BRSK2: variants seen among roughly 807,000 people sequenced by gnomAD.
The protein encoded by BRSK2 is BR serine/threonine kinase 2.
In BRSK2, 19 loss-of-function variants were observed where a neutral mutation model predicts 83.3. The ratio of observed to expected loss-of-function variants is 0.23; its 90% CI spans 0.16 to 0.33. BRSK2 has a LOEUF of 0.33. BRSK2 is among the 10% of genes least tolerant of loss of function. BRSK2 has a pLI of 1.00. For missense variants in BRSK2, 798 were observed against 1,042.3 expected, an observed-to-expected ratio of 0.77 and a Z score of 3.23; for synonymous variants, 519 against 435.4, an observed-to-expected ratio of 1.19 and a Z score of -2.39.
intron 13 of BRSK2, 151 bp from the exon 14 acceptor site, chr11:1,450,435 AC>A (rs1845676384): frequency 1.8e-6 from 1 of 566,476 alleles, no homozygotes; most frequent in Admixed American, 3.7e-5. Context: ...ACCAAGTCCA[AC>A]CCCTTCCCGG....
chr11:1,435,225 G>A (rs115469564), intron 1 of BRSK2, among the ~76,000 whole-genome samples: 1,836 of 135,202 alleles, frequency 0.014, 29 homozygotes, highest in African/African-American at 0.047. Flanking sequence ...GTGCCGGTGG[G>A]GGTCTCAGCG....
At chr11:1,404,576 G>A (rs927480707) in intron 1 of BRSK2, among the ~76,000 whole-genome samples, 1 of 152,224 alleles carries the variant, frequency 6.6e-6, no homozygotes, top group Non-Finnish European at 1.5e-5. Flanking sequence ...CAGAGCACCA[G>A]CCTTGGGAGG....
chr11:1,413,579 A>T (rs1847789395), intron 1 of BRSK2, among the ~76,000 whole-genome samples: 1 of 152,210 alleles, frequency 6.6e-6, no homozygotes, highest in Non-Finnish European at 1.5e-5. Flanking sequence ...GAACTTCCCC[A>T]AGCCAGGAAG....
At position 1,461,525 on chromosome 11, in the gene BRSK2, G is replaced by A. The variant is rs1847499412; in HGVS notation, c.*802G>A. On this transcript the variant is annotated 3_prime_UTR_variant, in exon 20 of 20. Coordinates refer to ENST00000528841, the MANE Select transcript of BRSK2 (RefSeq NM_001256627.2). ...GCCTTCCCAGCAGGCCAGGCCGCTG[G>A]GCTGGGATCAGTGTTATTTATTTGC... 1 of 183,142 alleles carries A rather than the reference G, an allele frequency of 5.5e-6. No homozygotes were observed. Among genetic ancestry groups the A allele is most frequent in the South Asian group, 1.2e-4 (1 of 8,170 alleles). 11.3% of individuals were successfully genotyped at this position (183,142 alleles called of 1,614,324 possible). A position where few individuals can be genotyped will look rare whatever the true frequency, so the allele number is the denominator to read the frequency against.
At chr11:1,404,278 C>T (rs1021139299) in intron 1 of BRSK2, among the ~76,000 whole-genome samples, 2 of 152,188 alleles carry the variant, frequency 1.3e-5, no homozygotes, top group African/African-American at 4.8e-5. Context: ...GTGTTCCCCT[C>T]CTGTCTCTGG....
In BRSK2 at chr11:1,454,306, A is replaced by G; in HGVS notation, c.1545-179A>G. On this transcript the variant is annotated intron_variant, in intron 15 of 19. Transcript: ENST00000528841. The surrounding 1 kb of genome is among the most constrained non-coding windows in gnomAD (Gnocchi z 5.2). ...AGAGCCACGGTGATGGTCAGGGCAT[A>G]TGGGCTAGGGTTAGGGCGTTGGGGT... 1.5e-6 allele frequency: 1 copy of G among 683,176 alleles called. No homozygotes were observed. Among genetic ancestry groups the G allele is most frequent in the Non-Finnish European group, 2.5e-6 (1 of 402,254 alleles). 42.3% of individuals were successfully genotyped at this position (683,176 alleles called of 1,614,324 possible).
chr11:1,443,680 G>A lies in BRSK2; in HGVS notation c.780+45G>A, dbSNP rs756346772. The stretch of plus-strand genomic sequence containing the variant: ...GGCGGCCCCAGAGCGTGGCGGGGGG[G>A]CGCGGGGGCGGGCGTGTGCCTGTGT... On this transcript the variant is annotated intron_variant, in intron 8 of 19. Coordinates refer to ENST00000528841, the MANE Select transcript of BRSK2 (RefSeq NM_001256627.2). 7.2e-6 allele frequency: 10 copies of A among 1,391,396 alleles called. No homozygotes were observed. The African/African-American group carries it at 1.2e-4, about 16-fold the overall frequency. 86.2% of individuals were successfully genotyped at this position (1,391,396 alleles called of 1,614,324 possible).
intron 15 of BRSK2, among the ~76,000 whole-genome samples, chr11:1,451,696 CAG>C (rs368934574): frequency 4.8e-4 from 73 of 152,310 alleles, no homozygotes; most frequent in African/African-American, 1.7e-3. Flanking sequence ...GTACACTGGG[CAG>C]AGTCTCCCCA....
rs570598515 is a variant in BRSK2, at chr11:1,459,395, C to T, written c.1987+156C>T. ...AGATGTCCCCGGCCCCATCCTCTACCAGGAGCAGCCCAGGTCGCTCCCCTA... is the reference window on the plus strand; with the variant it reads ...AGATGTCCCCGGCCCCATCCTCTACTAGGAGCAGCCCAGGTCGCTCCCCTA... On this transcript the variant is annotated intron_variant, in intron 19 of 19. Coordinates refer to ENST00000528841, the MANE Select transcript of BRSK2 (RefSeq NM_001256627.2). 3.6e-4 allele frequency: 292 copies of T among 820,206 alleles called. 2 individuals carry two copies. In the Admixed American group the frequency reaches 5.8e-3, roughly 16 times the overall value. The allele number at this position is 820,206 out of a possible 1,614,324, so 50.8% of individuals were successfully genotyped here. A position where few individuals can be genotyped will look rare whatever the true frequency, so the allele number is the denominator to read the frequency against.
chr11:1,443,893 CGT>C (rs892942688), intron 8 of BRSK2, among the ~76,000 whole-genome samples: 2 of 151,880 alleles, frequency 1.3e-5, no homozygotes, highest in African/African-American at 2.4e-5. Flanking sequence ...AGTGCCCAGG[CGT>C]GTGTGGGCTC....
chr11:1,401,007 T>C (rs1302787514), intron 1 of BRSK2, among the ~76,000 whole-genome samples: 2 of 152,208 alleles, frequency 1.3e-5, no homozygotes, highest in Non-Finnish European at 2.9e-5. Flanking sequence ...GCATGAGGGC[T>C]CATTTCATTC....
At chr11:1,446,616 C>T (rs1419444925) in intron 12 of BRSK2, among the ~76,000 whole-genome samples, 1 of 151,916 alleles carries the variant, frequency 6.6e-6, no homozygotes, top group Non-Finnish European at 1.5e-5. Context: ...CAGTGATGAG[C>T]AGACCCGTGG....
In BRSK2 at chr11:1,448,001, C is replaced by T. The variant is rs760537248; in HGVS notation, c.1227-1775C>T. 1.1e-4 allele frequency: 96 copies of T among 891,592 alleles called. No individual in the cohort carries two copies. In the Middle Eastern group the frequency reaches 1.2e-3, roughly 11 times the overall value. 55.2% of individuals were successfully genotyped at this position (891,592 alleles called of 1,614,324 possible). ...TGCTGCGGTGAAGCCAGCCAGCAAG[C>T]CAGGCAAGGGCCCGCGGGCCAGGCA... On this transcript the variant is annotated intron_variant, in intron 12 of 19. Transcript: ENST00000528841.
chr11:1,398,971 G>A (rs1044519430), intron 1 of BRSK2, among the ~76,000 whole-genome samples: 9 of 152,196 alleles, frequency 5.9e-5, no homozygotes, highest in South Asian at 2.1e-4. Context: ...GTCCTGCGCC[G>A]TCCTGGGTCT....
At chr11:1,447,427 G>A (rs1377704664) in intron 12 of BRSK2, among the ~76,000 whole-genome samples, 1 of 152,154 alleles carries the variant, frequency 6.6e-6, no homozygotes, top group Non-Finnish European at 1.5e-5. Flanking sequence ...GGTGTGGGAT[G>A]GGCCAGGCCA....
intron 19 of BRSK2, 116 bp from the exon 20 acceptor site, chr11:1,460,384 C>T (rs1847279980): frequency 1.7e-5 from 16 of 935,124 alleles, no homozygotes; most frequent in East Asian, 1.4e-4. Flanking sequence ...GAGGCCTCTT[C>T]GTTCATTTGT....
chr11:1,445,568 T>C lies in BRSK2; in HGVS notation c.978-3T>C, dbSNP rs1331535151. 4.4e-6 allele frequency: 7 copies of C among 1,581,388 alleles called. No homozygotes were observed. Among genetic ancestry groups the C allele is most frequent in the Non-Finnish European group, 6.0e-6 (7 of 1,164,102 alleles). On this transcript the variant is annotated splice_region_variant and splice_polypyrimidine_tract_variant and intron_variant, in intron 10 of 19. Transcript: ENST00000528841. ...CGCGTCTCGCGCCTCTCGCCCGCTG[T>C]AGGGAGAACCAGGAGAAGATGATTT...
intron 1 of BRSK2, among the ~76,000 whole-genome samples, chr11:1,393,247 G>A (rs373077475): frequency 7.4e-5 from 10 of 136,006 alleles, no homozygotes; most frequent in Non-Finnish European, 1.1e-4. Context: ...TTGTCCCTGC[G>A]CGCCTTTGTC....
chr11:1,411,002 A>G, intron 1 of BRSK2: 6 of 989,298 alleles, frequency 6.1e-6, no homozygotes, highest in Non-Finnish European at 4.8e-6. Context: ...GCAGGGGCGG[A>G]GAGAACAGCC....
Sources: allele counts gnomAD v4.1 joint callset (sites outside exome capture counted in the v4.1 genomes callset), GRCh38; gene constraint gnomAD v4.1.1; non-coding constraint Gnocchi (gnomAD v3.1); transcripts MANE v1.5; gene names NCBI Gene and HGNC (gene_info 2026-07-23, HGNC 2026-07-21).